The following TTC39A variants were observed in gnomAD, a reference collection of about 807,000 sequenced individuals.
TTC39A encodes the protein tetratricopeptide repeat domain 39A.
Under a neutral mutation model 82.3 loss-of-function variants are expected in TTC39A, and 46 were observed. The ratio of observed to expected loss-of-function variants is 0.56; its 90% confidence interval spans 0.44 to 0.71. The LOEUF is 0.71. Among genes scored for constraint, TTC39A ranks in the 30% least tolerant of loss-of-function variants. The pLI, the probability that TTC39A is intolerant of heterozygous loss-of-function variation, is 0.00. For synonymous variants in TTC39A, 254 were observed against 275.2 expected (o/e 0.92, Z 0.76); for missense variants, 543 against 712.9 (o/e 0.76, Z 2.71).
intron 1 of TTC39A, among the ~76,000 whole-genome samples, chr1:51,326,370 G>A (rs564819949): frequency 5.1e-4 from 78 of 152,282 alleles, no homozygotes; most frequent in African/African-American, 1.7e-3. Context: ...CTGGAGGCAT[G>A]ACACCACAGT....
chr1:51,313,654 C>G (rs1645172577), intron 2 of TTC39A, among the ~76,000 whole-genome samples: 1 of 152,126 alleles, frequency 6.6e-6, no homozygotes, highest in Non-Finnish European at 1.5e-5. Context: ...ATGAGAAAAT[C>G]CCACATTTCC....
Position 51,305,942 on chromosome 1 carries a change from G to T in TTC39A, c.588+35C>A, listed in dbSNP as rs761583875. ...GGACAGAAGGGGAGACTGAGCTCAA[G>T]CCAGGTGCTGTGGAAATGGAGGAGG... is the stretch of plus-strand genomic sequence containing the variant. On this transcript the variant is annotated intron_variant, in intron 7 of 17. Transcript: ENST00000680483. 10 of 1,599,748 alleles carry T rather than the reference G, an allele frequency of 6.3e-6. No homozygotes were observed. In the South Asian group the frequency reaches 1.1e-4, roughly 18 times the overall value.
Position 51,309,094 on chromosome 1 carries a change from C to T in TTC39A, c.488+167G>A, listed in dbSNP as rs559401876. ...CCAGAAAGCCAGAGGAATATGATTC[C>T]AGGAGACTGAGGTCCTGAGGGCATG... On this transcript the variant is annotated intron_variant, in intron 6 of 17. Coordinates refer to ENST00000680483, the MANE Select transcript of TTC39A (RefSeq NM_001297663.2). 5.9e-5 allele frequency among the ~76,000 whole-genome samples: 9 copies of T among 152,178 alleles called. No homozygotes were observed. The South Asian group carries it at 1.9e-3, about 31-fold the overall frequency.
At chr1:51,337,878 G>C (rs987351219) in intron 1 of TTC39A, among the ~76,000 whole-genome samples, 2 of 151,690 alleles carry the variant, frequency 1.3e-5, no homozygotes, top group Admixed American at 1.3e-4. Flanking sequence ...CCACAGGTAG[G>C]GCTTTTGTTT....
chr1:51,290,157 T>C, intron 15 of TTC39A, 38 bp from the exon 16 acceptor site: 1 of 1,589,852 alleles, frequency 6.3e-7, no homozygotes, highest in Non-Finnish European at 8.6e-7. Flanking sequence ...ACAGACTTGT[T>C]CATTTCTGCA....
intron 8 of TTC39A, among the ~76,000 whole-genome samples, chr1:51,304,797 C>T (rs541745092): frequency 2.0e-5 from 3 of 152,336 alleles, no homozygotes; most frequent in Non-Finnish European, 2.9e-5. Flanking sequence ...ACCTGTCAGG[C>T]TCAGAGAATG....
At chr1:51,327,081 A>G (rs905961711) in intron 1 of TTC39A, among the ~76,000 whole-genome samples, 4 of 152,050 alleles carry the variant, frequency 2.6e-5, no homozygotes, top group African/African-American at 9.7e-5. Flanking sequence ...CTTCCCTCCC[A>G]CTTCTCTACT....
chr1:51,344,724 A>C (rs970032189), intron 1 of TTC39A, among the ~76,000 whole-genome samples: 1 of 152,226 alleles, frequency 6.6e-6, no homozygotes, highest in Admixed American at 6.5e-5. Context: ...CTGACTTCGC[A>C]GATAGCCCGC....
chr1:51,291,221 C>T (rs917282952), intron 14 of TTC39A, among the ~76,000 whole-genome samples: 3 of 151,952 alleles, frequency 2.0e-5, no homozygotes, highest in African/African-American at 4.8e-5. Context: ...CCAGGCACAG[C>T]GGCTCACGCC....
Position 51,312,890 on chromosome 1 carries a change from T to C in TTC39A, c.200A>G (p.Gln67Arg). The change falls in exon 3 of 18, where the codon CAG (glutamine) becomes CGG (arginine). Residue 67 changes from glutamine (Q) to arginine (R), a missense_variant. By Grantham distance (43) the Gln-to-Arg change is conservative. Transcript: ENST00000680483. ...CTGAGGGTCAAAGGTCATCATGGCC[T>C]GCATCTCCAGGATGGTGGCATATGT... The part of the protein sequence containing the change: ...SLTYATILEM[Q>R]AMMTFDPQDI... 3.1e-6 allele frequency: 5 copies of C among 1,613,946 alleles called. No homozygotes were observed. Among genetic ancestry groups the C allele is most frequent in the Non-Finnish European group, 4.2e-6 (5 of 1,179,846 alleles).
upstream of TTC39A, among the ~76,000 whole-genome samples, chr1:51,334,348 A>G (rs1357713136): frequency 6.6e-6 from 1 of 152,176 alleles, no homozygotes; most frequent in Non-Finnish European, 1.5e-5. Flanking sequence ...CACTAAAAAT[A>G]CAAAATTAGC....
chr1:51,299,200 G>C (rs1178920529), intron 12 of TTC39A: 1 of 152,226 alleles, frequency 6.6e-6, no homozygotes, highest in Non-Finnish European at 1.5e-5. Flanking sequence ...TTCTGGGGGG[G>C]CGACAATGTT....
In TTC39A at chr1:51,294,628, C is replaced by T. The variant is rs1644345781; in HGVS notation, c.1146-117G>A. 2.1e-6 allele frequency: 3 copies of T among 1,456,276 alleles called. No homozygotes were observed. The highest frequency in any genetic ancestry group is 1.9e-6 in the Non-Finnish European group (2 of 1,073,880). The allele number at this position is 1,456,276 out of a possible 1,614,324, so 90.2% of individuals were successfully genotyped here. On this transcript the variant is annotated intron_variant, in intron 13 of 17. Transcript: ENST00000680483. This position sits in a 1 kb window ranked among gnomAD's most constrained non-coding sequence, Gnocchi z 4.3. The stretch of plus-strand genomic sequence containing the variant: ...CTGGGCCTCAGTTTCCCCATCTGCA[C>T]AATGACAGTGTTAGACTCTAAAGAG...
Position 51,330,261 on chromosome 1 carries a change from C to T in TTC39A, c.41+176G>A. On this transcript the variant is annotated intron_variant, in intron 1 of 17. Transcript: ENST00000680483. The surrounding 1 kb of genome is among the most constrained non-coding windows in gnomAD (Gnocchi z 4.5). ...CCGCGCCTCCGCCTCCTCACAGCCCCCTGCCCCCACTCCTGGCAGCGGCGG... is the reference window on the plus strand; with the variant it reads ...CCGCGCCTCCGCCTCCTCACAGCCCTCTGCCCCCACTCCTGGCAGCGGCGG... 1 of 967,274 alleles carries T rather than the reference C, an allele frequency of 1.0e-6. No individual in the cohort carries two copies. Among genetic ancestry groups the T allele is most frequent in the Middle Eastern group, 5.3e-4 (1 of 1,882 alleles). 59.9% of individuals were successfully genotyped at this position (967,274 alleles called of 1,614,324 possible). A position where few individuals can be genotyped will look rare whatever the true frequency, so the allele number is the denominator to read the frequency against.
At chr1:51,342,725 C>T (rs964916954) in intron 1 of TTC39A, among the ~76,000 whole-genome samples, 18 of 152,180 alleles carry the variant, frequency 1.2e-4, no homozygotes, top group African/African-American at 3.4e-4. Flanking sequence ...TATTTGTGCC[C>T]AGCAAGTTCC....
chr1:51,314,780 C>T (rs1645221675), intron 2 of TTC39A, among the ~76,000 whole-genome samples: 1 of 152,208 alleles, frequency 6.6e-6, no homozygotes, highest in South Asian at 2.1e-4. Flanking sequence ...AGCTGTGTGA[C>T]CTGGCATGTC....
intron 1 of TTC39A, among the ~76,000 whole-genome samples, chr1:51,337,958 G>C (rs1557750877): frequency 6.6e-6 from 1 of 152,140 alleles, no homozygotes; most frequent in African/African-American, 2.4e-5. Flanking sequence ...ATCCTCCTGA[G>C]TAGCTGAGAC....
At chr1:51,293,037 G>C (rs1644280677) in intron 14 of TTC39A, among the ~76,000 whole-genome samples, 1 of 150,822 alleles carries the variant, frequency 6.6e-6, no homozygotes. Context: ...ATATCCTCCT[G>C]CTCCACTTGA....
At chr1:51,305,234 G>T in intron 7 of TTC39A, 88 bp from the exon 8 acceptor site, 2 of 1,348,086 alleles carry the variant, frequency 1.5e-6, no homozygotes, top group South Asian at 2.4e-5. Flanking sequence ...TCTTTAACAG[G>T]CTTTACCTGG....
Sources: gnomAD v4.1 joint callset for allele counts (sites outside exome capture counted in the v4.1 genomes callset) on GRCh38, gnomAD v4.1.1 for gene constraint, Gnocchi (gnomAD v3.1) non-coding constraint, MANE v1.5 for transcripts, NCBI Gene and HGNC (gene_info 2026-07-23, HGNC 2026-07-21) for gene names.